FUT8: variants seen among roughly 807,000 people sequenced by gnomAD.
FUT8 encodes the protein alpha-(1,6)-fucosyltransferase.
In FUT8, 29 loss-of-function variants were observed where a neutral mutation model predicts 71.3. The ratio of observed to expected loss-of-function variants is 0.41; its 90% CI spans 0.30 to 0.55. FUT8 has a LOEUF of 0.55. FUT8 is among the 20% of genes least tolerant of loss of function. FUT8 has a pLI of 0.34. For missense variants in FUT8, 544 were observed against 702.1 expected (o/e 0.77, Z 2.55); for synonymous variants, 254 against 239.3 (o/e 1.06, Z -0.57).
At chr14:65,683,828 T>G (rs1407797489) in intron 7 of FUT8, among the ~76,000 whole-genome samples, 1 of 152,028 alleles carries the variant, frequency 6.6e-6, no homozygotes, top group African/African-American at 2.4e-5. Flanking sequence ...ATTCATGACA[T>G]TTTTTTAAAA....
At chr14:65,546,030 A>G (rs947534656) in intron 2 of FUT8, among the ~76,000 whole-genome samples, 2 of 151,890 alleles carry the variant, frequency 1.3e-5, no homozygotes, top group African/African-American at 2.4e-5. Context: ...ACTTTCAATT[A>G]TTGACATTTT....
At chr14:65,425,468 G>GTTTT (rs557101189) in intron 1 of FUT8, among the ~76,000 whole-genome samples, 7 of 119,560 alleles carry the variant, frequency 5.9e-5, no homozygotes, top group Admixed American at 1.7e-4. Context: ...ATGCCTGGCC[G>GTTTT]TTTTTTTTTT....
intron 3 of FUT8, among the ~76,000 whole-genome samples, chr14:65,593,140 C>T (rs1887781307): frequency 6.6e-6 from 1 of 152,122 alleles, no homozygotes; most frequent in Admixed American, 6.6e-5. Flanking sequence ...CCAGTGTAAT[C>T]CTAGATTATT....
upstream of FUT8, among the ~76,000 whole-genome samples, chr14:65,406,706 T>C (rs1199284123): frequency 6.6e-6 from 1 of 152,142 alleles, no homozygotes; most frequent in Non-Finnish European, 1.5e-5. Flanking sequence ...CAGCTAATTT[T>C]TGTATTTTTT....
rs1274758477 is a variant in FUT8 at position 65,595,830 on chromosome 14, CA to C, written c.204-20146del. ...TTCACCGTGTTAGCCAGGATGGTCT[CA>C]ATCTCCTGACCTTGTGATCTGCCCA... On this transcript the variant is annotated intron_variant, in intron 3 of 10. Transcript: ENST00000673929. Among the ~76,000 whole-genome samples the C allele has an allele frequency of 3.3e-5, 5 of 152,158 alleles. No individual in the cohort carries two copies. In the East Asian group the frequency reaches 9.7e-4, roughly 29 times the overall value.
chr14:65,443,368 C>T (rs2065690283), intron 1 of FUT8, among the ~76,000 whole-genome samples: 1 of 151,186 alleles, frequency 6.6e-6, no homozygotes, highest in Admixed American at 6.6e-5. Context: ...CGAGACTGCG[C>T]CACTGCACTC....
At chr14:65,707,368 G>T in intron 7 of FUT8, among the ~76,000 whole-genome samples, 1 of 152,144 alleles carries the variant, frequency 6.6e-6, no homozygotes, top group East Asian at 1.9e-4. Context: ...TCTTGCTATT[G>T]TTGTTTGAGT....
At chr14:65,475,487 C>A (rs941742740) in intron 2 of FUT8, among the ~76,000 whole-genome samples, 5 of 152,030 alleles carry the variant, frequency 3.3e-5, no homozygotes, top group Admixed American at 6.5e-5. Flanking sequence ...TGCCTGTAAT[C>A]CCAGCACTTT....
At chr14:65,482,471 C>G (rs529688434) in intron 2 of FUT8, among the ~76,000 whole-genome samples, 1 of 152,224 alleles carries the variant, frequency 6.6e-6, no homozygotes, top group Admixed American at 6.5e-5. Flanking sequence ...CTATAACCAA[C>G]TAAACAGTAG....
At chr14:65,721,407 C>T (rs1255020112) in intron 7 of FUT8, among the ~76,000 whole-genome samples, 1 of 152,130 alleles carries the variant, frequency 6.6e-6, no homozygotes, top group Non-Finnish European at 1.5e-5. Flanking sequence ...GTTTCGAGAA[C>T]ACTTTATTTT....
At chr14:65,432,258 C>T (rs926770070) in intron 1 of FUT8, among the ~76,000 whole-genome samples, 3 of 152,126 alleles carry the variant, frequency 2.0e-5, no homozygotes, top group African/African-American at 4.8e-5. Context: ...AGAATCTCTT[C>T]CAGGTGACCC....
intron 3 of FUT8, among the ~76,000 whole-genome samples, chr14:65,614,003 G>C (rs1009069501): frequency 6.6e-6 from 1 of 151,590 alleles, no homozygotes; most frequent in African/African-American, 2.4e-5. Flanking sequence ...AATCCCATCT[G>C]CTCAGGAGGC....
intron 2 of FUT8, among the ~76,000 whole-genome samples, chr14:65,506,835 G>A (rs894222130): frequency 6.6e-6 from 1 of 152,036 alleles, no homozygotes; most frequent in Non-Finnish European, 1.5e-5. Flanking sequence ...TATTGATTGC[G>A]GCAGCACCCC....
rs556513623 is a variant in FUT8 at position 65,591,175 on chromosome 14, A to G, written c.204-24803A>G. Among the ~76,000 whole-genome samples the G allele has an allele frequency of 1.4e-3, 220 of 152,300 alleles. 1 individual carries two copies. The highest frequency in any genetic ancestry group is 2.4e-3 in the Admixed American group (36 of 15,306). ...GAATACATTTAAGTTATTTAAATGA[A>G]TGTGAAGTTAGTTTAAAATTTTTCC... On this transcript the variant is annotated intron_variant, in intron 3 of 10. Coordinates refer to ENST00000673929, the MANE Select transcript of FUT8 (RefSeq NM_001371533.1).
chr14:65,622,274 G>A (rs1566858459), intron 5 of FUT8, among the ~76,000 whole-genome samples: 2 of 149,322 alleles, frequency 1.3e-5, no homozygotes, highest in Admixed American at 6.7e-5. Flanking sequence ...TTCTACGTAC[G>A]GGGATATAAT....
intron 1 of FUT8, among the ~76,000 whole-genome samples, chr14:65,429,156 A>G (rs2065431518): frequency 6.6e-6 from 1 of 152,238 alleles, no homozygotes; most frequent in Admixed American, 6.5e-5. Context: ...AGTATAAAAA[A>G]AGAGAATTGA....
chr14:65,435,922 C>CTT (rs374407475), intron 1 of FUT8, among the ~76,000 whole-genome samples: 15 of 121,908 alleles, frequency 1.2e-4, no homozygotes, highest in Non-Finnish European at 1.7e-4. Context: ...GATATCTTCC[C>CTT]TTTTTTTTTT....
rs117935162 is a variant in FUT8, at chr14:65,545,750, A to C, written c.-227-15587A>C. Among the ~76,000 whole-genome samples the C allele has an allele frequency of 8.6e-5, 13 of 151,852 alleles. No individual in the cohort carries two copies. The East Asian group carries it at 2.5e-3, about 29-fold the overall frequency. ...TTATGATGATTCCTTTTATTCTGAGAAAAGGTTAGGTTAGTAAGAATGTTC... is the reference window on the plus strand; with the variant it reads ...TTATGATGATTCCTTTTATTCTGAGCAAAGGTTAGGTTAGTAAGAATGTTC... On this transcript the variant is annotated intron_variant, in intron 2 of 10. Transcript: ENST00000673929.
chr14:65,739,480 G>A (rs1347813456), intron 10 of FUT8, among the ~76,000 whole-genome samples: 1 of 152,076 alleles, frequency 6.6e-6, no homozygotes, highest in Non-Finnish European at 1.5e-5. Context: ...GAAGAAACAG[G>A]TCTCTAAGGG....
Sources: allele counts gnomAD v4.1 joint callset (sites outside exome capture counted in the v4.1 genomes callset), GRCh38; gene constraint gnomAD v4.1.1; transcripts MANE v1.5; gene names NCBI Gene and HGNC (gene_info 2026-07-23, HGNC 2026-07-21).